MAGI1: variants seen among roughly 807,000 people sequenced by gnomAD.
MAGI1 encodes the protein membrane associated guanylate kinase, WW and PDZ domain containing 1.
A neutral mutation model predicts 139.9 loss-of-function variants in MAGI1; 58 were observed. That is an observed-to-expected ratio of 0.41 (90% CI 0.34 to 0.52). The LOEUF (loss-of-function observed/expected upper bound fraction) is 0.52. MAGI1 is among the 20% of genes least tolerant of loss of function. The pLI, the probability that MAGI1 is intolerant of heterozygous loss-of-function variation, is 0.12. For synonymous variants in MAGI1, 812 were observed against 737.9 expected (o/e 1.10, Z -1.63); for missense variants, 1,874 against 1,901.6 (o/e 0.99, Z 0.27).
chr3:65,727,597 G>A (rs1023206659), intron 1 of MAGI1, among the ~76,000 whole-genome samples: 1 of 152,142 alleles, frequency 6.6e-6, no homozygotes, highest in Admixed American at 6.5e-5. Context: ...AATGTAACCT[G>A]GGAGATGTGA....
chr3:65,833,075 G>A (rs934732821), intron 1 of MAGI1, among the ~76,000 whole-genome samples: 2 of 152,022 alleles, frequency 1.3e-5, no homozygotes, highest in African/African-American at 4.8e-5. Flanking sequence ...TCTCCAAACA[G>A]GTCAATCAGT....
chr3:65,440,858 TATATATGTATACAC>T (rs1948260881), intron 8 of MAGI1, among the ~76,000 whole-genome samples: 2 of 150,764 alleles, frequency 1.3e-5, no homozygotes, highest in Admixed American at 6.7e-5. Context: ...TATGTATACA[TATATATGTATACAC>T]ATATATGTAC....
intron 1 of MAGI1, among the ~76,000 whole-genome samples, chr3:65,919,285 G>C (rs1465665264): frequency 6.6e-6 from 1 of 152,234 alleles, no homozygotes; most frequent in Non-Finnish European, 1.5e-5. Flanking sequence ...ACAAGGGCCA[G>C]ATGTAATGGC....
rs763326793 is a variant in MAGI1, at chr3:65,379,436, C to T, written c.2820G>A (p.Thr940=). The T allele has an allele frequency of 2.5e-6, 4 of 1,613,856 alleles. No individual in the cohort carries two copies. The South Asian group carries it at 3.3e-5, about 13-fold the overall frequency. The change falls in exon 17 of 23, where the codon ACG becomes ACA. Residue 940 remains threonine, a synonymous_variant. Transcript: ENST00000402939. ...TPQGSQNSLN[T]VSSGSGSTSG... is the part of the protein sequence containing the mutation. ...TGGTGCTGCCGCTGCCCGAGCTCACCGTGTTCAGCGAGTTCTGGCTGCCCT... is the reference window on the plus strand; with the variant it reads ...TGGTGCTGCCGCTGCCCGAGCTCACTGTGTTCAGCGAGTTCTGGCTGCCCT...
At chr3:65,465,241 T>C (rs908103518) in intron 5 of MAGI1, among the ~76,000 whole-genome samples, 4 of 151,160 alleles carry the variant, frequency 2.6e-5, no homozygotes, top group Non-Finnish European at 5.9e-5. Context: ...TCAATAAAAA[T>C]GGGAAAAAAG....
intron 1 of MAGI1, among the ~76,000 whole-genome samples, chr3:65,919,686 TCTCTCTC>T (rs1463158994): frequency 3.1e-4 from 43 of 140,758 alleles, no homozygotes; most frequent in African/African-American, 1.1e-3. Flanking sequence ...TCCTTCTCTC[TCTCTCTC>T]TCTCTCTCTC....
chr3:65,356,925 G>T lies in MAGI1; in HGVS notation c.3842C>A (p.Thr1281Asn). Reference sequence around the variant, plus strand: ...GGGTTTCCTCGAAGTCCCATTCCAGGTGTGGTGTTCATTGGGTTGTCTGCT... The same window carrying T: ...GGGTTTCCTCGAAGTCCCATTCCAGTTGTGGTGTTCATTGGGTTGTCTGCT... ...EYSRQPNEHH[T>N]WNGTSRKPDS... Residue 1281 changes from threonine to asparagine, a missense_variant, in exon 23 of 23, where the codon ACC becomes AAC. This residue lies in a region of MAGI1 where 653 missense variants were observed against 644.5 expected (regional missense o/e 1.01). Coordinates refer to ENST00000402939, the MANE Select transcript of MAGI1 (RefSeq NM_001033057.2). The T allele has an allele frequency of 6.2e-7, 1 of 1,614,166 alleles. No individual in the cohort carries two copies.
At chr3:65,574,842 G>A (rs2081108416) in intron 2 of MAGI1, among the ~76,000 whole-genome samples, 1 of 151,952 alleles carries the variant, frequency 6.6e-6, no homozygotes, top group African/African-American at 2.4e-5. Context: ...AAGATGCAAA[G>A]ACAATTAAGT....
chr3:65,851,196 C>T (rs1252261280), intron 1 of MAGI1, among the ~76,000 whole-genome samples: 1 of 152,112 alleles, frequency 6.6e-6, no homozygotes, highest in Non-Finnish European at 1.5e-5. Context: ...TGGAGTTTGA[C>T]TAAATGAGTA....
rs371947519 is a variant in MAGI1, at chr3:65,867,551, A to G, written c.313+170445T>C. On this transcript the variant is annotated intron_variant, in intron 1 of 22. Coordinates refer to ENST00000402939, the MANE Select transcript of MAGI1 (RefSeq NM_001033057.2). ...GGAGTTCGAGACTAGCCTAGGCAAC[A>G]TATGGAGACCCTGATTCTACCAAAT... 2.1e-3 allele frequency among the ~76,000 whole-genome samples: 327 copies of G among 152,248 alleles called. 19 individuals are homozygous for G. The South Asian group carries it at 0.066, about 30-fold the overall frequency.
At chr3:65,721,871 G>C (rs1424808513) in intron 1 of MAGI1, among the ~76,000 whole-genome samples, 2 of 150,526 alleles carry the variant, frequency 1.3e-5, no homozygotes. Flanking sequence ...ACATAGACTT[G>C]ATTTCTAATT....
chr3:65,770,989 C>A (rs1035094091), intron 1 of MAGI1, among the ~76,000 whole-genome samples: 1 of 151,616 alleles, frequency 6.6e-6, no homozygotes, highest in Non-Finnish European at 1.5e-5. Context: ...CTACGCCCAG[C>A]AAATTATTTT....
chr3:65,407,499 T>G lies in MAGI1; in HGVS notation c.2168-6029A>C, dbSNP rs189308048. On this transcript the variant is annotated intron_variant, in intron 12 of 22. Transcript: ENST00000402939. ...GAACTTCCAAGAGCGGAGGACTGAGTAGAGAGATGTGTTATATCAATACGA... is the reference window on the plus strand; with the variant it reads ...GAACTTCCAAGAGCGGAGGACTGAGGAGAGAGATGTGTTATATCAATACGA... Among the ~76,000 whole-genome samples, 481 of 147,190 alleles carry G rather than the reference T, an allele frequency of 3.3e-3. 1 individual carries two copies. The highest frequency in any genetic ancestry group is 0.012 in the African/African-American group (460 of 39,888).
chr3:65,398,107 C>T (rs917569515), intron 13 of MAGI1, among the ~76,000 whole-genome samples: 1 of 151,818 alleles, frequency 6.6e-6, no homozygotes, highest in African/African-American at 2.4e-5. Context: ...TATAGTATTT[C>T]CAGTGCTTCA....
chr3:65,919,281 G>T (rs1290013764), intron 1 of MAGI1, among the ~76,000 whole-genome samples: 1 of 152,160 alleles, frequency 6.6e-6, no homozygotes, highest in Non-Finnish European at 1.5e-5. Context: ...TTACACAAGG[G>T]CCAGATGTAA....
chr3:65,958,658 G>A (rs2064253400), intron 1 of MAGI1, among the ~76,000 whole-genome samples: 1 of 152,142 alleles, frequency 6.6e-6, no homozygotes, highest in Non-Finnish European at 1.5e-5. Flanking sequence ...ATATATCGGA[G>A]GTTTAAAGCT....
At chr3:65,722,972 A>T (rs1162796900) in intron 1 of MAGI1, among the ~76,000 whole-genome samples, 1 of 123,368 alleles carries the variant, frequency 8.1e-6, no homozygotes, top group Non-Finnish European at 1.6e-5. Context: ...CTGTTGTAGT[A>T]AAAAAAAAAA....
Position 65,401,464 on chromosome 3 carries a change from G to A in MAGI1, c.2174C>T (p.Pro725Leu). 6.2e-7 allele frequency: 1 copy of A among 1,610,580 alleles called. No individual in the cohort carries two copies. The highest frequency in any genetic ancestry group is 8.5e-7 in the Non-Finnish European group (1 of 1,178,926). ...CGACTTTGGGCTCTTCTTGGGAACT[G>A]GCAGCCCTGGAAAAAATGCAACAAG... The part of the protein sequence containing the change: ...VTLLVQRGGL[P>L]VPKKSPKSQP... Residue 725 changes from proline to leucine, a missense_variant, in exon 13 of 23, where the codon CCA becomes CTA. Around this residue, in one of 5 missense-constraint regions of MAGI1, gnomAD observed 482 missense variants for 509.6 expected, o/e 0.95. Coordinates refer to ENST00000402939, the MANE Select transcript of MAGI1 (RefSeq NM_001033057.2).
At chr3:65,599,444 C>G (rs2082380293) in intron 2 of MAGI1, among the ~76,000 whole-genome samples, 1 of 152,166 alleles carries the variant, frequency 6.6e-6, no homozygotes, top group South Asian at 2.1e-4. Context: ...TCTAAGGCCC[C>G]TTTTCCTTCT....
Sources: allele counts gnomAD v4.1 joint callset (sites outside exome capture counted in the v4.1 genomes callset), GRCh38; gene constraint gnomAD v4.1.1; regional missense constraint gnomAD v4.1.1; transcripts MANE v1.5; gene names NCBI Gene and HGNC (gene_info 2026-07-23, HGNC 2026-07-21).